BMPR1B: variants seen among roughly 807,000 people sequenced by gnomAD.
The protein encoded by BMPR1B is bone morphogenetic protein receptor type-1B.
BMPR1B carries 12 observed loss-of-function variants against 59.1 expected under a neutral mutation model. That is an observed-to-expected ratio of 0.20 (90% confidence interval 0.13 to 0.33). BMPR1B has a LOEUF of 0.33. Ranked by LOEUF, BMPR1B falls within the 10% of genes least tolerant of loss-of-function variation. BMPR1B has a pLI of 1.00. For missense variants in BMPR1B, 550 were observed against 610.9 expected (o/e 0.90, Z 1.05); for synonymous variants, 237 against 207.3 (o/e 1.14, Z -1.23).
At chr4:95,135,296 G>A (rs1733687064) in intron 10 of BMPR1B, among the ~76,000 whole-genome samples, 1 of 152,172 alleles carries the variant, frequency 6.6e-6, no homozygotes, top group South Asian at 2.1e-4. Flanking sequence ...CAGGTAGTGT[G>A]ATGCCTCCAG....
At chr4:95,000,519 A>AAG (rs1223513751) in intron 3 of BMPR1B, among the ~76,000 whole-genome samples, 10 of 152,038 alleles carry the variant, frequency 6.6e-5, no homozygotes, top group East Asian at 3.9e-4. Context: ...GAAAGAAAGA[A>AAG]AGAGAGAGAG....
At chr4:94,978,325 T>G (rs1398479608) in intron 2 of BMPR1B, among the ~76,000 whole-genome samples, 1 of 152,202 alleles carries the variant, frequency 6.6e-6, no homozygotes, top group African/African-American at 2.4e-5. Flanking sequence ...CAATTCTAGT[T>G]TAGGGTCTCT....
At position 95,154,649 on chromosome 4, in the gene BMPR1B, A is replaced by G; in HGVS notation, c.1485A>G (p.Ser495=). Residue 495 remains serine, a synonymous_variant, in exon 13 of 13, where the codon TCA becomes TCG. Transcript: ENST00000515059. ...TTAAGAAAACACTTGCCAAAATGTC[A>G]GAGTCCCAGGACATTAAACTCTGAT... is the stretch of plus-strand genomic sequence containing the variant. ...LRVKKTLAKM[S]ESQDIKL is the part of the protein sequence containing the mutation. The G allele has an allele frequency of 6.2e-6, 10 of 1,614,136 alleles. No homozygotes were observed. Among genetic ancestry groups the G allele is most frequent in the Non-Finnish European group, 8.5e-6 (10 of 1,179,972 alleles).
chr4:94,804,984 C>A (rs570692621), intron 1 of BMPR1B, among the ~76,000 whole-genome samples: 1 of 152,234 alleles, frequency 6.6e-6, no homozygotes, highest in Non-Finnish European at 1.5e-5. Flanking sequence ...ACAGAAATAG[C>A]CAGGATGTAC....
chr4:94,940,000 C>T (rs1236539679), intron 2 of BMPR1B, among the ~76,000 whole-genome samples: 2 of 152,160 alleles, frequency 1.3e-5, no homozygotes, highest in Admixed American at 6.5e-5. Context: ...GATACTACTC[C>T]TTCCCTCACC....
intron 2 of BMPR1B, among the ~76,000 whole-genome samples, chr4:94,943,546 T>G (rs1331585213): frequency 6.6e-6 from 1 of 152,208 alleles, no homozygotes; most frequent in African/African-American, 2.4e-5. Flanking sequence ...TTAAAGGAAT[T>G]AGTATGTGTA....
chr4:95,091,585 T>G, intron 3 of BMPR1B: 1 of 985,294 alleles, frequency 1.0e-6, no homozygotes, highest in Non-Finnish European at 1.2e-6. Context: ...TCTCTCATCC[T>G]AGGGAGCCTG....
chr4:94,926,901 G>GA (rs1346400512), intron 2 of BMPR1B, among the ~76,000 whole-genome samples: 3 of 152,100 alleles, frequency 2.0e-5, no homozygotes, highest in Non-Finnish European at 4.4e-5. Flanking sequence ...ATTTTATTTT[G>GA]AAAACTTATT....
chr4:94,984,121 G>A (rs980968353), intron 2 of BMPR1B, among the ~76,000 whole-genome samples: 34 of 152,176 alleles, frequency 2.2e-4, no homozygotes, highest in Non-Finnish European at 1.5e-5. Flanking sequence ...TGCACACTTA[G>A]GAAATTAAGA....
At chr4:95,052,564 T>G (rs1726581408) in intron 3 of BMPR1B, among the ~76,000 whole-genome samples, 1 of 152,016 alleles carries the variant, frequency 6.6e-6, no homozygotes, top group Non-Finnish European at 1.5e-5. Flanking sequence ...GTATTTAAAG[T>G]TCAGCTTTAT....
chr4:94,931,259 T>TTG (rs763102127), intron 2 of BMPR1B, among the ~76,000 whole-genome samples: 90 of 152,154 alleles, frequency 5.9e-4, no homozygotes, highest in Non-Finnish European at 1.1e-3. Flanking sequence ...TTAAATCCTA[T>TTG]TGTGACACAA....
At chr4:95,088,418 A>G (rs1311861007) in intron 3 of BMPR1B, among the ~76,000 whole-genome samples, 2 of 152,102 alleles carry the variant, frequency 1.3e-5, no homozygotes, top group Non-Finnish European at 1.5e-5. Flanking sequence ...TATTGGTGTG[A>G]AATGAGAAGA....
At chr4:95,122,144 C>T (rs574651740) in intron 6 of BMPR1B, among the ~76,000 whole-genome samples, 2 of 152,048 alleles carry the variant, frequency 1.3e-5, no homozygotes, top group African/African-American at 2.4e-5. Context: ...TGAGACCAGC[C>T]GGGCCAACGT....
At chr4:94,892,173 G>A (rs367859014) in intron 2 of BMPR1B, among the ~76,000 whole-genome samples, 33 of 152,060 alleles carry the variant, frequency 2.2e-4, no homozygotes, top group East Asian at 1.2e-3. Flanking sequence ...AGGAACATAC[G>A]GCTTTCTAAA....
At chr4:94,844,364 G>A (rs1725233775) in intron 1 of BMPR1B, among the ~76,000 whole-genome samples, 1 of 152,044 alleles carries the variant, frequency 6.6e-6, no homozygotes, top group Non-Finnish European at 1.5e-5. Flanking sequence ...AAGTGAATTA[G>A]TTGAGAGGAT....
rs1328670125 is a variant in BMPR1B at position 95,156,023 on chromosome 4, A to G, written c.*1350A>G. 1 of 152,078 alleles carries G rather than the reference A, an allele frequency of 6.6e-6. No homozygotes were observed. The highest frequency in any genetic ancestry group is 1.5e-5 in the Non-Finnish European group (1 of 67,992). 9.4% of individuals were successfully genotyped at this position (152,078 alleles called of 1,614,324 possible). A position where few individuals can be genotyped will look rare whatever the true frequency, so the allele number is the denominator to read the frequency against. On this transcript the variant is annotated 3_prime_UTR_variant, in exon 13 of 13. Transcript: ENST00000515059. ...CATCTTAGGAATGCCTACTCATTTT[A>G]TTTTATTCTAGTGATGCTCAATTCA...
intron 1 of BMPR1B, among the ~76,000 whole-genome samples, chr4:94,842,713 C>G (rs1725138713): frequency 6.6e-6 from 1 of 152,116 alleles, no homozygotes; most frequent in Non-Finnish European, 1.5e-5. Flanking sequence ...TGTTTATTAG[C>G]TGTAATTGAG....
At chr4:94,786,291 T>A (rs1166251698) in intron 1 of BMPR1B, among the ~76,000 whole-genome samples, 1 of 152,056 alleles carries the variant, frequency 6.6e-6, no homozygotes, top group Admixed American at 6.6e-5. Context: ...TTCTTTGGCA[T>A]GTTATTGAGA....
chr4:94,891,841 T>TATTC (rs1460566026), intron 2 of BMPR1B, among the ~76,000 whole-genome samples: 1 of 152,110 alleles, frequency 6.6e-6, no homozygotes, highest in African/African-American at 2.4e-5. Flanking sequence ...CCTGTTTGTT[T>TATTC]ATTCATTCAT....
Sources: gnomAD v4.1 joint callset for allele counts (sites outside exome capture counted in the v4.1 genomes callset) on GRCh38, gnomAD v4.1.1 for gene constraint, MANE v1.5 for transcripts, NCBI Gene and HGNC (gene_info 2026-07-23, HGNC 2026-07-21) for gene names.